The following SS18L1 variants were observed in gnomAD, a reference collection of about 807,000 sequenced individuals.
The protein encoded by SS18L1 is SS18L1 subunit of BAF chromatin remodeling complex, also known as calcium-responsive transactivator.
SS18L1 carries 32 observed loss-of-function variants against 70.3 expected under a neutral mutation model. The observed-to-expected ratio is 0.46, with a 90% CI of 0.34 to 0.61. The LOEUF is 0.61. Ranked by LOEUF, SS18L1 falls within the 20% of genes least tolerant of loss-of-function variation. The pLI is 0.01. For synonymous variants in SS18L1, 237 were observed against 229.7 expected (o/e 1.03, Z -0.29); for missense variants, 430 against 542.1 (o/e 0.79, Z 2.05).
intron 5 of SS18L1, among the ~76,000 whole-genome samples, 198 bp from the exon 6 acceptor site, chr20:62,163,260 T>C (rs989759570): frequency 6.6e-6 from 1 of 152,004 alleles, no homozygotes; most frequent in Non-Finnish European, 1.5e-5. Context: ...GTAGAGTCGG[T>C]GCAAGCAGCG....
At chr20:62,150,930 A>G (rs2427263) in intron 1 of SS18L1, among the ~76,000 whole-genome samples, 23,786 of 151,998 alleles carry the variant, frequency 0.16, 5,984 homozygotes, top group African/African-American at 0.53. Context: ...CCTCTGGGGA[A>G]GAGGAGCCAG....
At chr20:62,146,423 T>C (rs1437248152) in intron 1 of SS18L1, among the ~76,000 whole-genome samples, 3 of 150,986 alleles carry the variant, frequency 2.0e-5, no homozygotes, top group Non-Finnish European at 4.4e-5. Context: ...GTGACTTCCT[T>C]GACACATTCC....
At chr20:62,145,803 A>T (rs1000549251) in intron 1 of SS18L1, among the ~76,000 whole-genome samples, 1 of 152,094 alleles carries the variant, frequency 6.6e-6, no homozygotes, top group African/African-American at 2.4e-5. Flanking sequence ...GTACCCAGGG[A>T]TCTTTTACTG....
In SS18L1 at chr20:62,165,195, C is replaced by G. The variant is rs138449561; in HGVS notation, c.824-227C>G. Among the ~76,000 whole-genome samples the G allele has an allele frequency of 2.4e-3, 363 of 152,346 alleles. 2 individuals are homozygous for G. The highest frequency in any genetic ancestry group is 7.6e-3 in the African/African-American group (318 of 41,576). ...AAGCGCTGATCCTCTGCATAAATCC[C>G]CAGGTAGCTTCACAGTCGCCCCGAG... On this transcript the variant is annotated intron_variant, in intron 7 of 10. Transcript: ENST00000331758.
At position 62,181,156 on chromosome 20, in the gene SS18L1, T is replaced by C. The variant is rs1053281427; in HGVS notation, c.*1948T>C. The C allele has an allele frequency of 5.2e-6, 1 of 193,968 alleles. No homozygotes were observed. Among genetic ancestry groups the C allele is most frequent in the African/African-American group, 2.3e-5 (1 of 43,072 alleles). The allele number at this position is 193,968 out of a possible 1,614,324, so 12.0% of individuals were successfully genotyped here. A position where few individuals can be genotyped will look rare whatever the true frequency, so the allele number is the denominator to read the frequency against. ...CTAGGAGACGGATGTCACGCACAAA[T>C]GGGGAGAGAAGTGTTTATTTTGTAG... On this transcript the variant is annotated 3_prime_UTR_variant, in exon 11 of 11. Transcript: ENST00000331758.
At chr20:62,163,664 C>G (rs1290442449) in intron 6 of SS18L1, 42 bp downstream of exon 6, 1 of 1,495,628 alleles carries the variant, frequency 6.7e-7, no homozygotes. Flanking sequence ...AGCTGACCGC[C>G]GCGGGTCGTG....
rs765199433 is a variant in SS18L1 at position 62,174,697 on chromosome 20, A to G, written c.1164+53A>G. The G allele has an allele frequency of 3.1e-6, 5 of 1,612,608 alleles. No homozygotes were observed. The South Asian group carries it at 3.3e-5, about 11-fold the overall frequency. On this transcript the variant is annotated intron_variant, in intron 10 of 10. Transcript: ENST00000331758. This position sits in a 1 kb window ranked among gnomAD's most constrained non-coding sequence, Gnocchi z 4.1. Reference sequence around the variant, plus strand: ...GCCCATCCGCCGCGCCTGTCGAGACATAATGAAGATTTCTCTTATGGCCAT... The same window carrying G: ...GCCCATCCGCCGCGCCTGTCGAGACGTAATGAAGATTTCTCTTATGGCCAT...
chr20:62,155,405 C>G (rs533307562), intron 1 of SS18L1, among the ~76,000 whole-genome samples: 9 of 152,260 alleles, frequency 5.9e-5, no homozygotes, highest in Admixed American at 5.9e-4. Context: ...AGAGCGAGAC[C>G]CTGTCTCAGA....
intron 6 of SS18L1, among the ~76,000 whole-genome samples, 199 bp downstream of exon 6, chr20:62,163,821 G>C (rs2057377158): frequency 6.6e-6 from 1 of 151,952 alleles, no homozygotes; most frequent in African/African-American, 2.4e-5. Context: ...AGGGTCTGCT[G>C]TCCCCGAGGA....
At chr20:62,164,315 A>G (rs2057388913) in intron 7 of SS18L1, 69 bp downstream of exon 7, 12 of 1,417,344 alleles carry the variant, frequency 8.5e-6, no homozygotes, top group Non-Finnish European at 1.1e-5. Flanking sequence ...GAGGGCAAGG[A>G]GGGCAAGGAG....
rs553538231 is a variant in SS18L1, at chr20:62,169,191, C to T, written c.917-3491C>T. 2.9e-4 allele frequency among the ~76,000 whole-genome samples: 44 copies of T among 152,326 alleles called. No individual in the cohort carries two copies. The East Asian group carries it at 8.3e-3, about 29-fold the overall frequency. On this transcript the variant is annotated intron_variant, in intron 8 of 10. Coordinates refer to ENST00000331758, the MANE Select transcript of SS18L1 (RefSeq NM_198935.3). Reference sequence around the variant, plus strand: ...GGGCGCCATTGCTGCTAGGAGAGACCGCCCATGAGCTGCCAAAGCCAAGTA... The same window carrying T: ...GGGCGCCATTGCTGCTAGGAGAGACTGCCCATGAGCTGCCAAAGCCAAGTA...
chr20:62,163,962 G>A (rs550835715), intron 6 of SS18L1, among the ~76,000 whole-genome samples, 183 bp from the exon 7 acceptor site: 2 of 152,264 alleles, frequency 1.3e-5, no homozygotes, highest in East Asian at 3.9e-4. Context: ...GACCAGCCTG[G>A]CCAACATGGT....
chr20:62,169,128 A>C (rs368880901), intron 8 of SS18L1, among the ~76,000 whole-genome samples: 3 of 152,364 alleles, frequency 2.0e-5, no homozygotes, highest in East Asian at 3.9e-4. Flanking sequence ...GCAGTGACGC[A>C]TACTGGACAG....
chr20:62,167,713 C>A lies in SS18L1; in HGVS notation c.916+2199C>A, dbSNP rs561934852. 9.3e-4 allele frequency among the ~76,000 whole-genome samples: 141 copies of A among 152,350 alleles called. No individual in the cohort carries two copies. The Middle Eastern group carries it at 0.014, about 15-fold the overall frequency. On this transcript the variant is annotated intron_variant, in intron 8 of 10. Transcript: ENST00000331758. ...GCTGGAGCACAGGGTTCAGCCTTGTCCATGGCGAGGTGTCCACATGCGTCT... is the reference window on the plus strand; with the variant it reads ...GCTGGAGCACAGGGTTCAGCCTTGTACATGGCGAGGTGTCCACATGCGTCT...
In SS18L1 at chr20:62,165,654, G is replaced by A. The variant is rs139339282; in HGVS notation, c.916+140G>A. On this transcript the variant is annotated intron_variant, in intron 8 of 10. Transcript: ENST00000331758. ...AGCACAGCGCGTGGGAGGAGAGACAGTGTGTTCTGGAAGCTGGAAATTCAG... is the reference window on the plus strand; with the variant it reads ...AGCACAGCGCGTGGGAGGAGAGACAATGTGTTCTGGAAGCTGGAAATTCAG... The A allele has an allele frequency of 5.6e-5, 45 of 808,456 alleles. No individual in the cohort carries two copies. In the African/African-American group the frequency reaches 6.1e-4, roughly 11 times the overall value. The allele number at this position is 808,456 out of a possible 1,614,324, so 50.1% of individuals were successfully genotyped here.
intron 1 of SS18L1, among the ~76,000 whole-genome samples, chr20:62,155,164 G>A (rs577465232): frequency 2.8e-4 from 43 of 152,276 alleles, no homozygotes; most frequent in Non-Finnish European, 5.0e-4. Context: ...ACTTGGGGAG[G>A]CAGAGGCGGG....
At chr20:62,168,672 G>A (rs1403711533) in intron 8 of SS18L1, among the ~76,000 whole-genome samples, 3 of 152,150 alleles carry the variant, frequency 2.0e-5, no homozygotes, top group Non-Finnish European at 1.5e-5. Flanking sequence ...ACATTAGCCA[G>A]GTGTGGTGGC....
Position 62,163,701 on chromosome 20 carries a change from TCGGGGAGCCTGGGGGAGTGAGG to T in SS18L1, c.721+103_721+124del, listed in dbSNP as rs57565379. The T allele has an allele frequency of 3.0e-3, 4,280 of 1,445,072 alleles. 66 individuals carry two copies. The African/African-American group carries it at 0.038, about 13-fold the overall frequency. 89.5% of individuals were successfully genotyped at this position (1,445,072 alleles called of 1,614,324 possible). ...AGTGCCAGGCTGTGTGTGCTTCTCTTCGGGGAGCCTGGGGGAGTGAGGCGGGGAGCCTGGGGGAGTGAGGCTT... is the reference window on the plus strand; with the variant it reads ...AGTGCCAGGCTGTGTGTGCTTCTCTTCGGGGAGCCTGGGGGAGTGAGGCTT... On this transcript the variant is annotated intron_variant, in intron 6 of 10. Transcript: ENST00000331758.
intron 10 of SS18L1, among the ~76,000 whole-genome samples, chr20:62,176,921 C>T (rs997260227): frequency 5.9e-5 from 9 of 152,206 alleles, no homozygotes; most frequent in African/African-American, 2.2e-4. Flanking sequence ...TGTAGCTGGC[C>T]GTGGCGCTTT....
Sources: gnomAD v4.1 joint callset for allele counts (sites outside exome capture counted in the v4.1 genomes callset) on GRCh38, gnomAD v4.1.1 for gene constraint, Gnocchi (gnomAD v3.1) non-coding constraint, MANE v1.5 for transcripts, NCBI Gene and HGNC (gene_info 2026-07-23, HGNC 2026-07-21) for gene names.